DMD: variants seen among roughly 807,000 people sequenced by gnomAD.
DMD encodes the protein mutant dystrophin.
In DMD, 63 loss-of-function variants were observed where a neutral mutation model predicts 330.1. The ratio of observed to expected loss-of-function variants is 0.19; its 90% CI spans 0.16 to 0.24. The LOEUF (loss-of-function observed/expected upper bound fraction) is 0.24. DMD is among the 10% of genes least tolerant of loss of function. DMD has a pLI of 1.00. For synonymous variants in DMD, 1,223 were observed against 959.8 expected (o/e 1.27, Z -5.07); for missense variants, 3,344 against 2,684.1 (o/e 1.25, Z -5.43).
chrX:31,694,868 T>C (rs73457881), intron 52 of DMD, among the ~76,000 whole-genome samples: 2,271 of 108,422 alleles, frequency 0.021, 63 homozygotes, highest in African/African-American at 0.072. Flanking sequence ...TGAATGTTTC[T>C]CAAAATAATA....
intron 17 of DMD, among the ~76,000 whole-genome samples, chrX:32,528,079 C>A (rs972144447): frequency 4.5e-5 from 5 of 111,927 alleles, no homozygotes; most frequent in Admixed American, 9.4e-5. Context: ...GAGGCCGAGG[C>A]GGGCAGTTCA....
At chrX:32,924,151 G>C (rs142374608) in intron 2 of DMD, among the ~76,000 whole-genome samples, 1,893 of 111,342 alleles carry the variant, frequency 0.017, 22 homozygotes, top group African/African-American at 0.046. Flanking sequence ...ACAAAAAAAT[G>C]GCTACGGCAT....
intron 47 of DMD, among the ~76,000 whole-genome samples, chrX:31,917,302 C>G (rs746871635): frequency 8.9e-6 from 1 of 112,172 alleles, no homozygotes; most frequent in Non-Finnish European, 1.9e-5. Context: ...TGAAACCAAT[C>G]TTACCATAGG....
chrX:32,350,336 T>C (rs747070302), intron 37 of DMD, among the ~76,000 whole-genome samples: 47 of 111,305 alleles, frequency 4.2e-4, no homozygotes, highest in Non-Finnish European at 7.2e-4. Flanking sequence ...GACTCTCCAA[T>C]AGCCAGCTGA....
intron 11 of DMD, among the ~76,000 whole-genome samples, chrX:32,623,199 A>G (rs1262070329): frequency 8.9e-6 from 1 of 111,834 alleles, no homozygotes; most frequent in African/African-American, 3.3e-5. Flanking sequence ...GAGGCCTGTG[A>G]AAAGAGCATC....
At chrX:31,125,664 A>C (rs2033545003) in intron 78 of DMD, among the ~76,000 whole-genome samples, 1 of 111,882 alleles carries the variant, frequency 8.9e-6, no homozygotes, top group African/African-American at 3.2e-5. Flanking sequence ...TCCAACAGTC[A>C]CTTAATTAGG....
rs755140685 is a variant in DMD, at chrX:31,517,376, C to T, written c.8218-9923G>A. ...AGATATGAGGCCGTTCAAAAGAAAA[C>T]GAATACCTACTGCATGAAGATGGGA... On this transcript the variant is annotated intron_variant, in intron 55 of 78. Transcript: ENST00000357033. Among the ~76,000 whole-genome samples the T allele has an allele frequency of 9.3e-4, 104 of 111,392 alleles. 1 individual carries two copies. The highest frequency in any genetic ancestry group is 3.2e-3 in the African/African-American group (99 of 30,662).
At chrX:32,722,170 T>A (rs138105253) in intron 7 of DMD, among the ~76,000 whole-genome samples, 1,827 of 110,475 alleles carry the variant, frequency 0.017, 44 homozygotes, top group African/African-American at 0.056. Flanking sequence ...CTTTTATTTC[T>A]GTGAAAAAAA....
At chrX:33,001,411 C>A (rs927652337) in intron 2 of DMD, among the ~76,000 whole-genome samples, 3 of 111,909 alleles carry the variant, frequency 2.7e-5, no homozygotes, top group African/African-American at 9.7e-5. Flanking sequence ...GGAACAGTTT[C>A]AGTCTATAAG....
At chrX:32,627,967 G>C (rs1184687795) in intron 11 of DMD, among the ~76,000 whole-genome samples, 1 of 109,642 alleles carries the variant, frequency 9.1e-6, no homozygotes, top group Admixed American at 9.8e-5. Context: ...ATTCATACAG[G>C]CATACAGGCA....
intron 2 of DMD, among the ~76,000 whole-genome samples, chrX:33,008,263 A>G (rs1367789505): frequency 8.9e-6 from 1 of 111,816 alleles, no homozygotes; most frequent in Non-Finnish European, 1.9e-5. Context: ...TCCAAGATAC[A>G]TACAAGTCTG....
chrX:32,863,574 A>AC lies in DMD; in HGVS notation c.94-13755_94-13754insG, dbSNP rs201490760. On this transcript the variant is annotated intron_variant, in intron 2 of 78. Transcript: ENST00000357033. The stretch of plus-strand genomic sequence containing the variant: ...CACACACACACACACACACACACAC[A>AC]AATACACACATATACCATGACATAA... 5.5e-3 allele frequency among the ~76,000 whole-genome samples: 578 copies of AC among 104,953 alleles called. 10 individuals carry two copies. Among genetic ancestry groups the AC allele is most frequent in the African/African-American group, 0.019 (543 of 27,852 alleles). 91.1% of individuals were successfully genotyped at this position (104,953 alleles called of 115,157 possible).
At chrX:32,637,296 AC>A (rs990712106) in intron 11 of DMD, among the ~76,000 whole-genome samples, 1 of 112,168 alleles carries the variant, frequency 8.9e-6, no homozygotes, top group African/African-American at 3.2e-5. Flanking sequence ...CACATACTAC[AC>A]ACTCAATAAA....
rs761544969 is a variant in DMD, at chrX:32,416,958, G to A, written c.4072-5045C>T. 8.0e-5 allele frequency among the ~76,000 whole-genome samples: 9 copies of A among 111,832 alleles called. No individual in the cohort carries two copies. In the East Asian group the frequency reaches 1.7e-3, roughly 21 times the overall value. ...AGTGTTTCTTTTTTACCTACTAACAGGTTGCAATTTGTTCAAGTGCCAAGT... is the reference window on the plus strand; with the variant it reads ...AGTGTTTCTTTTTTACCTACTAACAAGTTGCAATTTGTTCAAGTGCCAAGT... On this transcript the variant is annotated intron_variant, in intron 29 of 78. Transcript: ENST00000357033.
intron 62 of DMD, among the ~76,000 whole-genome samples, chrX:31,287,590 A>C (rs941899204): frequency 8.9e-6 from 1 of 112,164 alleles, no homozygotes; most frequent in African/African-American, 3.2e-5. Context: ...GAAAGAAAGC[A>C]CAATGAGGAG....
At chrX:32,812,061 T>C (rs2077406042) in intron 6 of DMD, among the ~76,000 whole-genome samples, 1 of 111,109 alleles carries the variant, frequency 9.0e-6, no homozygotes, top group Admixed American at 9.6e-5. Context: ...CGTATTATAA[T>C]TTATCCCAAC....
At chrX:31,147,881 T>G (rs774604537) in intron 74 of DMD, among the ~76,000 whole-genome samples, 1 of 112,012 alleles carries the variant, frequency 8.9e-6, no homozygotes, top group Non-Finnish European at 1.9e-5. Flanking sequence ...AAAAATTTTA[T>G]ACCTCTATCA....
chrX:31,675,753 A>G (rs1291959954), intron 53 of DMD, among the ~76,000 whole-genome samples: 5 of 112,211 alleles, frequency 4.5e-5, no homozygotes, highest in African/African-American at 1.6e-4. Context: ...AATAATATAA[A>G]GAAGTTAAAA....
chrX:33,155,668 C>T lies in DMD; in HGVS notation c.31+55614G>A, dbSNP rs184301832. On this transcript the variant is annotated intron_variant, in intron 1 of 78. Transcript: ENST00000357033. Reference sequence around the variant, plus strand: ...GGAGGCTCTGGGCCTTAAAGAAATGCAGCCAGCTAGCCGGGCATGGTGGCT... The same window carrying T: ...GGAGGCTCTGGGCCTTAAAGAAATGTAGCCAGCTAGCCGGGCATGGTGGCT... Among the ~76,000 whole-genome samples the T allele has an allele frequency of 4.8e-3, 530 of 110,598 alleles. 3 individuals carry two copies. Among genetic ancestry groups the T allele is most frequent in the African/African-American group, 0.016 (488 of 30,442 alleles).
Sources: gnomAD v4.1 joint callset for allele counts (sites outside exome capture counted in the v4.1 genomes callset) on GRCh38, gnomAD v4.1.1 for gene constraint, MANE v1.5 for transcripts, NCBI Gene and HGNC (gene_info 2026-07-23, HGNC 2026-07-21) for gene names.